The following PSME4 variants were observed in gnomAD, a reference collection of about 807,000 sequenced individuals.
The protein encoded by PSME4 is proteasome activator complex subunit 4.
Under a neutral mutation model 253.9 loss-of-function variants are expected in PSME4, and 89 were observed. That is an observed-to-expected ratio of 0.35 (90% CI 0.30 to 0.42). The LOEUF (loss-of-function observed/expected upper bound fraction) is 0.42. PSME4 is among the 10% of genes least tolerant of loss of function. The probability of loss-of-function intolerance (pLI) is 1.00; values close to 1 mark genes in which losing one functional copy is unlikely to be tolerated. For missense variants in PSME4, 2,014 were observed against 2,195.2 expected (o/e 0.92, Z 1.65); for synonymous variants, 851 against 759.2 (o/e 1.12, Z -1.99).
chr2:53,916,010 GGT>G (rs563310883), intron 20 of PSME4, among the ~76,000 whole-genome samples: 3 of 152,244 alleles, frequency 2.0e-5, no homozygotes, highest in African/African-American at 7.2e-5. Context: ...GGAAGGCAGA[GGT>G]TGCAGTGAGC....
chr2:53,933,474 G>T (rs1304045828), intron 8 of PSME4, among the ~76,000 whole-genome samples: 1 of 150,024 alleles, frequency 6.7e-6, no homozygotes, highest in East Asian at 1.9e-4. Context: ...CAATCTCCTA[G>T]GCTCAAGCGA....
chr2:53,931,142 G>T (rs1668811245), intron 10 of PSME4, among the ~76,000 whole-genome samples: 1 of 152,150 alleles, frequency 6.6e-6, no homozygotes, highest in Non-Finnish European at 1.5e-5. Flanking sequence ...GCTGGGTGTG[G>T]TGGCGGGCGC....
chr2:53,882,077 A>G (rs1433307128), intron 41 of PSME4, among the ~76,000 whole-genome samples: 1 of 151,982 alleles, frequency 6.6e-6, no homozygotes, highest in African/African-American at 2.4e-5. Flanking sequence ...ATGGATATAA[A>G]ACTGCTTTTT....
chr2:53,896,750 A>G lies in PSME4; in HGVS notation c.3688+54T>C, dbSNP rs918377371. 7.8e-6 allele frequency: 11 copies of G among 1,406,274 alleles called. No homozygotes were observed. The African/African-American group carries it at 1.6e-4, about 20-fold the overall frequency. The allele number at this position is 1,406,274 out of a possible 1,614,324, so 87.1% of individuals were successfully genotyped here. A position where few individuals can be genotyped will look rare whatever the true frequency, so the allele number is the denominator to read the frequency against. Reference sequence around the variant, plus strand: ...GAACTAGAATTTATACATGTCAAGAAAATTTTCTGAGTTTTATTGGAAAGC... The same window carrying G: ...GAACTAGAATTTATACATGTCAAGAGAATTTTCTGAGTTTTATTGGAAAGC... On this transcript the variant is annotated intron_variant, in intron 32 of 46. Transcript: ENST00000404125.
intron 3 of PSME4, among the ~76,000 whole-genome samples, chr2:53,946,829 G>A (rs1434009520): frequency 6.6e-6 from 1 of 151,928 alleles, no homozygotes; most frequent in African/African-American, 2.4e-5. Flanking sequence ...CGGGAAGACT[G>A]CTTGAGCCCA....
At chr2:53,882,900 C>CAAA (rs71850883) in intron 41 of PSME4, among the ~76,000 whole-genome samples, 18 of 122,018 alleles carry the variant, frequency 1.5e-4, no homozygotes, top group Middle Eastern at 4.4e-3. Flanking sequence ...TGAGGAAATA[C>CAAA]AAAAAAAAAT....
intron 1 of PSME4, among the ~76,000 whole-genome samples, chr2:53,950,164 T>A (rs1275670660): frequency 6.6e-6 from 1 of 152,004 alleles, no homozygotes; most frequent in Non-Finnish European, 1.5e-5. Flanking sequence ...TGGTCCCAGT[T>A]ACTCGGGTCG....
intron 20 of PSME4, 119 bp from the exon 21 acceptor site, chr2:53,910,249 C>A: frequency 2.6e-6 from 2 of 772,840 alleles, no homozygotes; most frequent in South Asian, 3.2e-5. Flanking sequence ...TTAACAGACA[C>A]AGATTTCCCA....
At chr2:53,968,664 A>G (rs1011102354) in intron 1 of PSME4, among the ~76,000 whole-genome samples, 5 of 152,164 alleles carry the variant, frequency 3.3e-5, no homozygotes, top group Non-Finnish European at 7.4e-5. Flanking sequence ...ATAAAATTCT[A>G]CCCAGTAGCA....
chr2:53,937,776 T>A (rs1290995679), intron 4 of PSME4, among the ~76,000 whole-genome samples: 1 of 152,114 alleles, frequency 6.6e-6, no homozygotes. Context: ...GGTCGATGGA[T>A]CACTTGAGCC....
chr2:53,895,884 G>A (rs1305268855), intron 32 of PSME4, 148 bp from the exon 33 acceptor site: 3 of 666,798 alleles, frequency 4.5e-6, no homozygotes, highest in Non-Finnish European at 7.1e-6. Flanking sequence ...ATGAGCAATT[G>A]GAGGCACATT....
chr2:53,944,336 T>G (rs1202380304), intron 3 of PSME4, among the ~76,000 whole-genome samples: 4 of 152,030 alleles, frequency 2.6e-5, no homozygotes, highest in Non-Finnish European at 4.4e-5. Context: ...TTTTTGTGTT[T>G]TTAGTAGAGA....
intron 1 of PSME4, among the ~76,000 whole-genome samples, chr2:53,959,380 G>A (rs1231924932): frequency 6.6e-6 from 1 of 151,730 alleles, no homozygotes; most frequent in Non-Finnish European, 1.5e-5. Context: ...AAAGAGGGGG[G>A]AAAAAAAGCT....
chr2:53,875,832 A>C, intron 41 of PSME4, 77 bp from the exon 42 acceptor site: 1 of 1,329,114 alleles, frequency 7.5e-7, no homozygotes, highest in Non-Finnish European at 1.0e-6. Flanking sequence ...ATGAGAGACA[A>C]CACATCTTTA....
intron 3 of PSME4, among the ~76,000 whole-genome samples, chr2:53,947,620 G>A (rs938105327): frequency 2.0e-5 from 3 of 151,958 alleles, no homozygotes; most frequent in African/African-American, 4.8e-5. Flanking sequence ...GCAGGAGAAC[G>A]GCATGAACCC....
intron 29 of PSME4, among the ~76,000 whole-genome samples, chr2:53,898,753 T>C (rs1177630163): frequency 6.6e-6 from 1 of 151,998 alleles, no homozygotes; most frequent in Non-Finnish European, 1.5e-5. Flanking sequence ...AACAAAGAGG[T>C]ATATTCATAT....
At chr2:53,940,956 T>TAC (rs1553338432) in intron 3 of PSME4, among the ~76,000 whole-genome samples, 1 of 38,252 alleles carries the variant, frequency 2.6e-5, no homozygotes, top group Non-Finnish European at 5.8e-5. Flanking sequence ...TATATACATA[T>TAC]ATATATATAT....
intron 22 of PSME4, 87 bp downstream of exon 22, chr2:53,908,697 A>G: frequency 6.9e-7 from 1 of 1,451,372 alleles, no homozygotes; most frequent in Non-Finnish European, 9.4e-7. Context: ...AATAAAAAAC[A>G]TTAAGTAAAC....
chr2:53,944,168 T>C (rs1669592630), intron 3 of PSME4, among the ~76,000 whole-genome samples: 2 of 152,324 alleles, frequency 1.3e-5, no homozygotes, highest in South Asian at 4.1e-4. Flanking sequence ...GGTAAATTTT[T>C]TTTTTTTGAG....
Sources: allele counts gnomAD v4.1 joint callset (sites outside exome capture counted in the v4.1 genomes callset), GRCh38; gene constraint gnomAD v4.1.1; transcripts MANE v1.5; gene names NCBI Gene and HGNC (gene_info 2026-07-23, HGNC 2026-07-21).